MYT1L: variants seen among roughly 807,000 people sequenced by gnomAD.
MYT1L encodes the protein myelin transcription factor 1 like.
A neutral mutation model predicts 126.7 loss-of-function variants in MYT1L; 12 were observed. The observed-to-expected ratio is 0.09, with a 90% confidence interval of 0.06 to 0.15. The LOEUF (loss-of-function observed/expected upper bound fraction) is 0.15, where lower values mean the gene tolerates loss of function less well. MYT1L is among the 10% of genes least tolerant of loss of function. The pLI, the probability that MYT1L is intolerant of heterozygous loss-of-function variation, is 1.00. For missense variants in MYT1L, 979 were observed against 1,585.2 expected (o/e 0.62, Z 6.49); for synonymous variants, 541 against 604.2 (o/e 0.90, Z 1.53).
In MYT1L at chr2:1,862,207, A is replaced by T. The variant is rs144388582; in HGVS notation, c.2712-10504T>A. Reference sequence around the variant, plus strand: ...GAATCTGCCTTTTCCCTGATTTCAAACCTTGTTTCATTTGTCAAATTTACA... The same window carrying T: ...GAATCTGCCTTTTCCCTGATTTCAATCCTTGTTTCATTTGTCAAATTTACA... On this transcript the variant is annotated intron_variant, in intron 18 of 24. Coordinates refer to ENST00000647738, the MANE Select transcript of MYT1L (RefSeq NM_001303052.2). Among the ~76,000 whole-genome samples, 270 of 152,330 alleles carry T rather than the reference A, an allele frequency of 1.8e-3. 9 individuals carry two copies. In the East Asian group the frequency reaches 0.037, roughly 21 times the overall value.
At chr2:2,002,460 G>C (rs2062489808) in intron 4 of MYT1L, among the ~76,000 whole-genome samples, 1 of 152,184 alleles carries the variant, frequency 6.6e-6, no homozygotes, top group Non-Finnish European at 1.5e-5. Flanking sequence ...TGCTTCAGTT[G>C]GTCTGTCATT....
At chr2:2,018,594 C>G (rs565631662) in intron 4 of MYT1L, among the ~76,000 whole-genome samples, 1 of 152,342 alleles carries the variant, frequency 6.6e-6, no homozygotes, top group Admixed American at 6.5e-5. Context: ...CTTTCCTGCT[C>G]TCCGCCGTTT....
At chr2:2,285,934 A>G (rs1306074383) in intron 1 of MYT1L, among the ~76,000 whole-genome samples, 1 of 152,048 alleles carries the variant, frequency 6.6e-6, no homozygotes, top group East Asian at 1.9e-4. Context: ...CCAGTTTCTC[A>G]GACCCTCCAA....
At chr2:2,146,338 G>A (rs2084870316) in intron 3 of MYT1L, among the ~76,000 whole-genome samples, 1 of 152,184 alleles carries the variant, frequency 6.6e-6, no homozygotes, top group African/African-American at 2.4e-5. Flanking sequence ...GGGCAGAGAC[G>A]CCTGAGACGA....
intron 9 of MYT1L, among the ~76,000 whole-genome samples, chr2:1,937,156 C>T (rs2056002555): frequency 6.6e-6 from 1 of 152,180 alleles, no homozygotes; most frequent in Admixed American, 6.5e-5. Flanking sequence ...GCTGAAGAGT[C>T]AGGGCACACT....
At chr2:1,983,772 A>C (rs544879628) in intron 5 of MYT1L, among the ~76,000 whole-genome samples, 1 of 152,252 alleles carries the variant, frequency 6.6e-6, no homozygotes, top group East Asian at 1.9e-4. Context: ...TCACTTACTG[A>C]ACCCGTGAAT....
chr2:1,890,604 CAGGA>C (rs1354189690), intron 15 of MYT1L, among the ~76,000 whole-genome samples: 2 of 151,772 alleles, frequency 1.3e-5, no homozygotes, highest in East Asian at 3.9e-4. Flanking sequence ...ACTTGCCTCT[CAGGA>C]AGAGAGTCAG....
chr2:1,998,669 T>A (rs2062086773), intron 4 of MYT1L, among the ~76,000 whole-genome samples: 1 of 152,184 alleles, frequency 6.6e-6, no homozygotes, highest in Admixed American at 6.5e-5. Flanking sequence ...AGAAAGGAAT[T>A]AGACCAGATT....
Position 1,979,716 on chromosome 2 carries a change from G to A in MYT1L, c.55+7C>T. 6.2e-7 allele frequency: 1 copy of A among 1,614,018 alleles called. No individual in the cohort carries two copies. Among genetic ancestry groups the A allele is most frequent in the African/African-American group, 1.3e-5 (1 of 75,074 alleles). ...CGGCCTCAGGATGCAGGGAAGCGCG[G>A]ACATACCTCGAACCCCTTTGGACCG... On this transcript the variant is annotated splice_region_variant and intron_variant, in intron 6 of 24. Transcript: ENST00000647738. The surrounding 1 kb of genome is among the most constrained non-coding windows in gnomAD (Gnocchi z 4.0).
At chr2:1,942,096 TACA>T (rs1268757463) in intron 9 of MYT1L, among the ~76,000 whole-genome samples, 2 of 152,144 alleles carry the variant, frequency 1.3e-5, no homozygotes, top group African/African-American at 4.8e-5. Context: ...TCCCTTCACT[TACA>T]ACATGTTTGG....
intron 2 of MYT1L, among the ~76,000 whole-genome samples, chr2:2,217,823 A>G (rs901009604): frequency 6.6e-6 from 1 of 152,122 alleles, no homozygotes; most frequent in African/African-American, 2.4e-5. Context: ...TGTAAATCAC[A>G]TAAAGAGCTT....
chr2:2,319,982 ATT>A (rs1052944404), intron 1 of MYT1L, among the ~76,000 whole-genome samples: 15 of 151,950 alleles, frequency 9.9e-5, no homozygotes, highest in African/African-American at 3.6e-4. Context: ...TGACTTTGAT[ATT>A]TTCTTTCTAG....
intron 3 of MYT1L, among the ~76,000 whole-genome samples, chr2:2,066,259 A>G (rs949351472): frequency 6.6e-6 from 1 of 152,226 alleles, no homozygotes; most frequent in Non-Finnish European, 1.5e-5. Flanking sequence ...AGAAAAGTTC[A>G]TATGTCCTTG....
At chr2:2,291,991 G>T (rs773947632) in intron 1 of MYT1L, among the ~76,000 whole-genome samples, 2 of 152,246 alleles carry the variant, frequency 1.3e-5, no homozygotes, top group Non-Finnish European at 2.9e-5. Flanking sequence ...GGCTGTGCCC[G>T]GGCTGAGAGG....
rs1013327938 is a variant in MYT1L at position 1,791,596 on chromosome 2, C to G, written c.*271G>C. The G allele has an allele frequency of 9.5e-5, 40 of 421,770 alleles. No individual in the cohort carries two copies. Among genetic ancestry groups the G allele is most frequent in the Non-Finnish European group, 1.6e-4 (37 of 235,484 alleles). The allele number at this position is 421,770 out of a possible 1,614,324, so 26.1% of individuals were successfully genotyped here. A position where few individuals can be genotyped will look rare whatever the true frequency, so the allele number is the denominator to read the frequency against. On this transcript the variant is annotated 3_prime_UTR_variant, in exon 25 of 25. Coordinates refer to ENST00000647738, the MANE Select transcript of MYT1L (RefSeq NM_001303052.2). The surrounding 1 kb of genome is among the most constrained non-coding windows in gnomAD (Gnocchi z 6.0). ...CTTACCTCTTCAGAAATAGATATAC[C>G]CCCAAATGTGCATACATCAGCAGCT...
intron 3 of MYT1L, among the ~76,000 whole-genome samples, chr2:2,091,011 C>A (rs1485775520): frequency 6.6e-6 from 1 of 152,196 alleles, no homozygotes; most frequent in African/African-American, 2.4e-5. Context: ...GTTATATCCT[C>A]CACTGAAGTC....
At chr2:1,981,735 G>A (rs2060626503) in intron 5 of MYT1L, among the ~76,000 whole-genome samples, 1 of 152,180 alleles carries the variant, frequency 6.6e-6, no homozygotes, top group South Asian at 2.1e-4. Flanking sequence ...ACAAGTTAAC[G>A]GCAGCTTGAG....
chr2:1,876,388 C>T (rs2046912469), intron 18 of MYT1L, among the ~76,000 whole-genome samples: 1 of 152,102 alleles, frequency 6.6e-6, no homozygotes, highest in African/African-American at 2.4e-5. Flanking sequence ...GTGCCCAGGA[C>T]TCCGAGTCCA....
chr2:2,245,049 T>C (rs1339195339), intron 2 of MYT1L, among the ~76,000 whole-genome samples: 1 of 152,242 alleles, frequency 6.6e-6, no homozygotes, highest in Non-Finnish European at 1.5e-5. Context: ...CCCACTTGCA[T>C]GCTCAGATTA....
Sources: gnomAD v4.1 joint callset for allele counts (sites outside exome capture counted in the v4.1 genomes callset) on GRCh38, gnomAD v4.1.1 for gene constraint, Gnocchi (gnomAD v3.1) non-coding constraint, MANE v1.5 for transcripts, NCBI Gene and HGNC (gene_info 2026-07-23, HGNC 2026-07-21) for gene names.